Variants in ZW10 observed in about 807,000 individuals in gnomAD.
ZW10 encodes centromere/kinetochore protein zw10 homolog.
Under a neutral mutation model 87.8 loss-of-function variants are expected in ZW10, and 53 were observed. The ratio of observed to expected loss-of-function variants is 0.60; its 90% CI spans 0.48 to 0.76. The LOEUF (loss-of-function observed/expected upper bound fraction) is 0.76. ZW10 is among the 30% of genes least tolerant of loss of function. The pLI, the probability that ZW10 is intolerant of heterozygous loss-of-function variation, is 0.00. For missense variants in ZW10, 837 were observed against 923.0 expected (o/e 0.91, Z 1.21); for synonymous variants, 312 against 329.2 (o/e 0.95, Z 0.57).
chr11:113,772,848 G>T (rs539913719), intron 1 of ZW10, among the ~76,000 whole-genome samples: 4 of 151,038 alleles, frequency 2.6e-5, no homozygotes, highest in Non-Finnish European at 5.9e-5. Flanking sequence ...TTAGCCAGGC[G>T]TGGTGGCACG....
At chr11:113,734,860 C>T (rs1953531762) in intron 15 of ZW10, among the ~76,000 whole-genome samples, 1 of 151,178 alleles carries the variant, frequency 6.6e-6, no homozygotes. Context: ...ACAAAAGAAG[C>T]AAGTTACAGA....
chr11:113,759,235 C>T lies in ZW10; in HGVS notation c.581-529G>A, dbSNP rs570046920. Among the ~76,000 whole-genome samples the T allele has an allele frequency of 3.6e-3, 542 of 152,250 alleles. 2 individuals carry two copies. The highest frequency in any genetic ancestry group is 5.5e-3 in the Non-Finnish European group (375 of 68,014). ...ATGAGGTCCTAGTTTCACAGACCTTCCTTTCTATGTTCTTTCTGCCAAACA... is the reference window on the plus strand; with the variant it reads ...ATGAGGTCCTAGTTTCACAGACCTTTCTTTCTATGTTCTTTCTGCCAAACA... On this transcript the variant is annotated intron_variant, in intron 5 of 15. Transcript: ENST00000200135.
chr11:113,747,118 T>C (rs1416092092), intron 9 of ZW10, among the ~76,000 whole-genome samples: 1 of 152,232 alleles, frequency 6.6e-6, no homozygotes, highest in Non-Finnish European at 1.5e-5. Context: ...ATTTTAACTT[T>C]AAAACTAGTC....
chr11:113,770,830 A>G (rs1953956963), intron 1 of ZW10, among the ~76,000 whole-genome samples: 2 of 144,796 alleles, frequency 1.4e-5, no homozygotes, highest in South Asian at 4.5e-4. Flanking sequence ...TCAAAAAAGA[A>G]AAAAAAAAAA....
At position 113,743,642 on chromosome 11, in the gene ZW10, T is replaced by C. The variant is rs142335251; in HGVS notation, c.1511+160A>G. On this transcript the variant is annotated intron_variant, in intron 10 of 15. Transcript: ENST00000200135. ...CAGAGATAGACATAAATCTGTGTGA[T>C]GCACTGGGTTTTTGTTTTGTTTTGT... Among the ~76,000 whole-genome samples, 1,035 of 152,374 alleles carry C rather than the reference T, an allele frequency of 6.8e-3. 11 individuals are homozygous for C. The highest frequency in any genetic ancestry group is 0.022 in the African/African-American group (935 of 41,596).
In ZW10 at chr11:113,766,768, G is replaced by A. The variant is rs1451144112; in HGVS notation, c.240+2065C>T. ...ATAGTGGCTCACGCCCGTAATCCCA[G>A]CACTTTGGGAGGCAGAGGTGGGTGG... On this transcript the variant is annotated intron_variant, in intron 2 of 15. Transcript: ENST00000200135. Among the ~76,000 whole-genome samples, 5 of 143,268 alleles carry A rather than the reference G, an allele frequency of 3.5e-5. 1 individual carries two copies. The highest frequency in any genetic ancestry group is 4.4e-4 in the South Asian group (2 of 4,580). 94.0% of individuals were successfully genotyped at this position (143,268 alleles called of 152,430 possible). A position where few individuals can be genotyped will look rare whatever the true frequency, so the allele number is the denominator to read the frequency against.
rs1468902856 is a variant in ZW10 at position 113,760,609 on chromosome 11, T to C, written c.343-19A>G. 2 of 1,545,156 alleles carry C rather than the reference T, an allele frequency of 1.3e-6. No individual in the cohort carries two copies. On this transcript the variant is annotated intron_variant, in intron 3 of 15. Coordinates refer to ENST00000200135, the MANE Select transcript of ZW10 (RefSeq NM_004724.4). ...TGGAAAACTGAAAAGTTAAGTATAA[T>C]ATTTTATACATCCTATTATTTCAAG...
intron 11 of ZW10, among the ~76,000 whole-genome samples, chr11:113,741,296 A>G (rs1365246550): frequency 1.3e-5 from 2 of 152,162 alleles, no homozygotes; most frequent in African/African-American, 2.4e-5. Context: ...TGTCTCTGAA[A>G]TTCAGAGTTC....
intron 7 of ZW10, among the ~76,000 whole-genome samples, chr11:113,753,416 G>GT (rs909352569): frequency 1.3e-5 from 2 of 151,814 alleles, no homozygotes; most frequent in East Asian, 1.9e-4. Context: ...GTTTTGTTTT[G>GT]TTTTTTTGAG....
chr11:113,735,449 C>T (rs570484041), intron 15 of ZW10, among the ~76,000 whole-genome samples: 13 of 151,530 alleles, frequency 8.6e-5, no homozygotes, highest in Non-Finnish European at 1.9e-4. Context: ...GATTTTTTTT[C>T]AAGCAGAGAT....
intron 2 of ZW10, among the ~76,000 whole-genome samples, chr11:113,763,249 CT>C (rs1953880548): frequency 6.6e-6 from 1 of 152,194 alleles, no homozygotes; most frequent in African/African-American, 2.4e-5. Context: ...ACCACATTTT[CT>C]TTATCCAGTC....
chr11:113,759,839 T>C (rs1953838015), intron 5 of ZW10, among the ~76,000 whole-genome samples: 1 of 152,204 alleles, frequency 6.6e-6, no homozygotes, highest in Admixed American at 6.5e-5. Flanking sequence ...CTAGCCAAGA[T>C]AAACTGCTAG....
chr11:113,741,841 A>C, intron 10 of ZW10, 76 bp from the exon 11 acceptor site: 2 of 969,510 alleles, frequency 2.1e-6, no homozygotes, highest in Admixed American at 4.5e-5. Context: ...AACTAAGTGC[A>C]TCTTCAGTGA....
rs1953586594 is a variant in ZW10 at position 113,739,245 on chromosome 11, A to G, written c.1721T>C (p.Phe574Ser). The change falls in exon 12 of 16, where the codon TTT becomes TCT. Residue 574 changes from phenylalanine (F) to serine (S), a missense_variant. Phe to Ser is a radical substitution (Grantham distance 155). Transcript: ENST00000200135. Reference protein sequence around the residue: ...APILCDGTATFVDLVPGFRRL... With the variant: ...APILCDGTATSVDLVPGFRRL... ...CCTGAAGCCAGGTACAAGATCCACA[A>G]AAGTAGCAGTGCCATCACAAAGAAT... 6.2e-7 allele frequency: 1 copy of G among 1,613,972 alleles called. No individual in the cohort carries two copies. Among genetic ancestry groups the G allele is most frequent in the South Asian group, 1.1e-5 (1 of 91,010 alleles).
chr11:113,738,819 G>A (rs992100841), intron 12 of ZW10, among the ~76,000 whole-genome samples: 1 of 152,182 alleles, frequency 6.6e-6, no homozygotes, highest in Non-Finnish European at 1.5e-5. Context: ...AACTAAGGGA[G>A]ATGTAAGATG....
At chr11:113,751,125 C>T (rs1055625192) in intron 7 of ZW10, 1 of 212,142 alleles carries the variant, frequency 4.7e-6, no homozygotes, top group Non-Finnish European at 1.0e-5. Context: ...CTTAGTCCAA[C>T]TTAATGAAAC....
At position 113,758,675 on chromosome 11, in the gene ZW10, A is replaced by G; in HGVS notation, c.612T>C (p.Thr204=). 1 of 1,614,144 alleles carries G rather than the reference A, an allele frequency of 6.2e-7. No homozygotes were observed. The highest frequency in any genetic ancestry group is 2.2e-5 in the East Asian group (1 of 44,868). ...ATTGTTCAGTGTATAAATGAAGTTCAGTTTGTAGGTAAGATTCCAAACTGC... is the reference window on the plus strand; with the variant it reads ...ATTGTTCAGTGTATAAATGAAGTTCGGTTTGTAGGTAAGATTCCAAACTGC... ...DTSSLESYLQ[T]ELHLYTEQSH... The change falls in exon 6 of 16, where the codon ACT becomes ACC. Residue 204 remains threonine, a synonymous_variant. Transcript: ENST00000200135.
intron 5 of ZW10, 38 bp from the exon 6 acceptor site, chr11:113,758,744 A>G: frequency 1.2e-6 from 2 of 1,602,212 alleles, no homozygotes; most frequent in Non-Finnish European, 8.5e-7. Flanking sequence ...TGTCTCACCA[A>G]TATGAGATGT....
At chr11:113,760,746 C>G in intron 3 of ZW10, 71 bp downstream of exon 3, 1 of 1,262,472 alleles carries the variant, frequency 7.9e-7, no homozygotes, top group Non-Finnish European at 1.1e-6. Flanking sequence ...CCATTATAGT[C>G]AGGAGATAGC....
Sources: gnomAD v4.1 joint callset for allele counts (sites outside exome capture counted in the v4.1 genomes callset) on GRCh38, gnomAD v4.1.1 for gene constraint, MANE v1.5 for transcripts, NCBI Gene and HGNC (gene_info 2026-07-23, HGNC 2026-07-21) for gene names.